Variants in BLTP3A observed in about 807,000 individuals in gnomAD.
The protein encoded by BLTP3A is ICBP90 binding protein 1.
the BLTP3A span, among the ~76,000 whole-genome samples, chr6:34,794,091 C>T: frequency 2.6e-5 from 4 of 151,540 alleles, no homozygotes; most frequent in East Asian, 1.9e-4. Flanking sequence ...GCTCGGGAGG[C>T]GGAGGTTGCA....
At chr6:34,867,748 G>A in the BLTP3A span, 3 of 1,244,210 alleles carry the variant, frequency 2.4e-6, no homozygotes, top group South Asian at 4.9e-5. Context: ...AGCCATTAGG[G>A]GGAGGAAAAA....
At chr6:34,828,843 C>CA in the BLTP3A span, among the ~76,000 whole-genome samples, 2 of 151,856 alleles carry the variant, frequency 1.3e-5, no homozygotes, top group African/African-American at 4.8e-5. Flanking sequence ...GCATGGCCAA[C>CA]ATGGAGAAAC....
the BLTP3A span, among the ~76,000 whole-genome samples, chr6:34,842,293 T>C: frequency 6.6e-6 from 1 of 152,198 alleles, no homozygotes; most frequent in Non-Finnish European, 1.5e-5. Context: ...TCTCACACCA[T>C]ACAATTCATC....
At chr6:34,840,441 C>G in the BLTP3A span, among the ~76,000 whole-genome samples, 1 of 149,472 alleles carries the variant, frequency 6.7e-6, no homozygotes, top group African/African-American at 2.5e-5. Flanking sequence ...TGGCAGGCAC[C>G]TGTAATCCCA....
At chr6:34,800,930 T>C in the BLTP3A span, among the ~76,000 whole-genome samples, 2 of 152,160 alleles carry the variant, frequency 1.3e-5, no homozygotes, top group Admixed American at 1.3e-4. Flanking sequence ...GGTTTCACCA[T>C]GTTGGCCAGG....
the BLTP3A span, among the ~76,000 whole-genome samples, chr6:34,863,053 G>A: frequency 6.6e-6 from 1 of 151,854 alleles, no homozygotes; most frequent in Non-Finnish European, 1.5e-5. Context: ...CTACAGGCGC[G>A]CACCATCATG....
the BLTP3A span, among the ~76,000 whole-genome samples, chr6:34,795,012 C>T: frequency 6.6e-6 from 1 of 151,974 alleles, no homozygotes; most frequent in Non-Finnish European, 1.5e-5. Flanking sequence ...TGGTCTCGAT[C>T]TCCTGACCTC....
chr6:34,833,755 C>T, the BLTP3A span, among the ~76,000 whole-genome samples: 3 of 151,710 alleles, frequency 2.0e-5, no homozygotes, highest in Non-Finnish European at 2.9e-5. Context: ...GGGGAAACCC[C>T]GTCTCTACTA....
the BLTP3A span, among the ~76,000 whole-genome samples, chr6:34,853,986 G>A: frequency 6.6e-6 from 1 of 152,150 alleles, no homozygotes; most frequent in African/African-American, 2.4e-5. Context: ...CACTTTGGGG[G>A]GCCGAGGTGG....
chr6:34,857,227 C>T, the BLTP3A span: 1 of 1,368,994 alleles, frequency 7.3e-7, no homozygotes. Flanking sequence ...TTCCCTGTGA[C>T]AGACTTCAGA....
the BLTP3A span, among the ~76,000 whole-genome samples, chr6:34,810,051 C>T: frequency 6.6e-6 from 1 of 152,178 alleles, no homozygotes; most frequent in Non-Finnish European, 1.5e-5. Flanking sequence ...TCTATGCATG[C>T]CACAAGTTTA....
At chr6:34,857,693 G>C in the BLTP3A span, 3 of 1,597,826 alleles carry the variant, frequency 1.9e-6, no homozygotes, top group Non-Finnish European at 2.6e-6. Flanking sequence ...GCTTTTTACA[G>C]GATGTTTCTT....
the BLTP3A span, chr6:34,821,327 C>A: frequency 5.0e-6 from 1 of 198,258 alleles, no homozygotes; most frequent in Non-Finnish European, 1.0e-5. Flanking sequence ...AGCTATTGCC[C>A]CAGAATCCTC....
the BLTP3A span, among the ~76,000 whole-genome samples, chr6:34,844,474 C>T: frequency 1.3e-5 from 2 of 152,072 alleles, no homozygotes; most frequent in African/African-American, 2.4e-5. Flanking sequence ...AGGATTTCAC[C>T]GTGATGGCTA....
At chr6:34,857,669 A>C in the BLTP3A span, 2 of 1,543,940 alleles carry the variant, frequency 1.3e-6, no homozygotes, top group Non-Finnish European at 1.8e-6. Context: ...TTAGGTAGTA[A>C]GAGCCTAGCT....
At chr6:34,844,262 G>A in the BLTP3A span, among the ~76,000 whole-genome samples, 6 of 151,210 alleles carry the variant, frequency 4.0e-5, no homozygotes, top group African/African-American at 4.9e-5. Context: ...GATTACAGGC[G>A]TGAGCCACCA....
At chr6:34,833,714 G>A in the BLTP3A span, among the ~76,000 whole-genome samples, 1 of 151,964 alleles carries the variant, frequency 6.6e-6, no homozygotes, top group South Asian at 2.1e-4. Flanking sequence ...AGATCACCAG[G>A]CCAAGAGATT....
the BLTP3A span, chr6:34,822,099 G>C: frequency 5.0e-6 from 5 of 1,001,484 alleles, no homozygotes; most frequent in Admixed American, 1.1e-4. Flanking sequence ...CTGAGACAGT[G>C]TGACTGTTGT....
At chr6:34,821,460 A>T in the BLTP3A span, 1 of 553,858 alleles carries the variant, frequency 1.8e-6, no homozygotes, top group Non-Finnish European at 3.2e-6. Context: ...GTCTGAGTGC[A>T]GTGTTTACAA....
Sources: allele counts gnomAD v4.1 joint callset (sites outside exome capture counted in the v4.1 genomes callset), GRCh38; gene constraint gnomAD v4.1.1; transcripts MANE v1.5; gene names NCBI Gene and HGNC (gene_info 2026-07-23, HGNC 2026-07-21).